The following GATA6 variants were observed in gnomAD, a reference collection of about 807,000 sequenced individuals.
GATA6 encodes the protein GATA binding protein 6.
In GATA6, 11 loss-of-function variants were observed where a neutral mutation model predicts 48.1. The ratio of observed to expected loss-of-function variants is 0.23; its 90% CI spans 0.14 to 0.38. The LOEUF (loss-of-function observed/expected upper bound fraction) is 0.38. Ranked by LOEUF, GATA6 falls within the 10% of genes least tolerant of loss-of-function variation. The pLI is 1.00. For missense variants in GATA6, 795 were observed against 850.3 expected, an observed-to-expected ratio of 0.93 and a Z score of 0.81; for synonymous variants, 419 against 396.1, an observed-to-expected ratio of 1.06 and a Z score of -0.69.
At chr18:22,183,078 T>C in intron 6 of GATA6, 35 bp downstream of exon 6, 5 of 1,476,210 alleles carry the variant, frequency 3.4e-6, no homozygotes, top group Non-Finnish European at 4.7e-6. Context: ...CCTAAATTAC[T>C]GGGCTGCTCT....
chr18:22,182,361 T>G (rs2033208745), intron 4 of GATA6, among the ~76,000 whole-genome samples: 1 of 151,658 alleles, frequency 6.6e-6, no homozygotes, highest in African/African-American at 2.4e-5. Flanking sequence ...TTTTTTTTTT[T>G]TTTTTCTTGT....
Position 22,176,969 on chromosome 18 carries a change from C to T in GATA6, c.1150C>T (p.Leu384=), listed in dbSNP as rs2033128801. ...TGTCGCCGCAGACCTGCTGGAGGAC[C>T]TGTCCGAGAGCCGCGAGTGCGTGAA... ...RGPSADLLED[L]SESRECVNCG... The change falls in exon 3 of 7, where the codon CTG becomes TTG. Residue 384 remains leucine (L), a synonymous_variant. Transcript: ENST00000269216. 1.3e-6 allele frequency: 2 copies of T among 1,560,340 alleles called. No homozygotes were observed. Among genetic ancestry groups the T allele is most frequent in the Non-Finnish European group, 1.7e-6 (2 of 1,156,004 alleles).
intron 6 of GATA6, among the ~76,000 whole-genome samples, chr18:22,189,607 T>C (rs1239085611): frequency 2.6e-5 from 4 of 152,172 alleles, no homozygotes; most frequent in Non-Finnish European, 4.4e-5. Context: ...CAGAGGAAAG[T>C]ATGAAGGCGA....
chr18:22,193,813 A>C (rs1195983166), intron 6 of GATA6, among the ~76,000 whole-genome samples: 3 of 152,174 alleles, frequency 2.0e-5, no homozygotes, highest in Non-Finnish European at 4.4e-5. Context: ...TTTCTTCCTC[A>C]AAGGAAATTT....
At chr18:22,194,173 C>A (rs2143329366) in intron 6 of GATA6, among the ~76,000 whole-genome samples, 1 of 152,350 alleles carries the variant, frequency 6.6e-6, no homozygotes, top group African/African-American at 2.4e-5. Context: ...CAAGCTCTCC[C>A]TGAAGTCATT....
chr18:22,194,710 C>T (rs115592591), intron 6 of GATA6, among the ~76,000 whole-genome samples: 1,846 of 145,120 alleles, frequency 0.013, 45 homozygotes, highest in African/African-American at 0.046. Flanking sequence ...CCCCCCTCCG[C>T]CCCCCCCTCC....
intron 6 of GATA6, among the ~76,000 whole-genome samples, chr18:22,198,873 A>T (rs927918387): frequency 1.3e-5 from 2 of 152,174 alleles, no homozygotes; most frequent in African/African-American, 4.8e-5. Context: ...ATTTTTGTGA[A>T]ATTTGCTTTT....
In GATA6 at chr18:22,170,331, T is replaced by C. The variant is rs1484267735; in HGVS notation, c.-38+649T>C. 6.6e-6 allele frequency among the ~76,000 whole-genome samples: 1 copy of C among 152,092 alleles called. No homozygotes were observed. Among genetic ancestry groups the C allele is most frequent in the Non-Finnish European group, 1.5e-5 (1 of 68,004 alleles). ...CGGCCGGCGTGAGCGCGCACGCTGG[T>C]GGCTGCAGGCGCGGGCCGTGTCTAA... On this transcript the variant is annotated intron_variant, in intron 1 of 6. Coordinates refer to ENST00000269216, the MANE Select transcript of GATA6 (RefSeq NM_005257.6). The surrounding 1 kb of genome is among the most constrained non-coding windows in gnomAD (Gnocchi z 6.7).
chr18:22,179,946 AT>A (rs2033172206), intron 3 of GATA6, among the ~76,000 whole-genome samples: 1 of 152,200 alleles, frequency 6.6e-6, no homozygotes, highest in Non-Finnish European at 1.5e-5. Context: ...CATCTTTTAA[AT>A]TTCCCAGCAA....
chr18:22,169,768 G>T (rs374012841), intron 1 of GATA6, 86 bp downstream of exon 1: 15 of 152,234 alleles, frequency 9.9e-5, no homozygotes, highest in African/African-American at 3.4e-4. Flanking sequence ...CCGGCTCTCC[G>T]GCCCTCTCCA....
In GATA6 at chr18:22,200,829, C is replaced by A. The variant is rs1198887969; in HGVS notation, c.*6C>A. The A allele has an allele frequency of 2.5e-6, 4 of 1,605,662 alleles. No individual in the cohort carries two copies. In the East Asian group the frequency reaches 9.0e-5, roughly 36 times the overall value. On this transcript the variant is annotated 3_prime_UTR_variant, in exon 7 of 7. Transcript: ENST00000269216. ...GCGCCCTGGCCCTGGCCTGAGCCCACGCCGCCAGGAGGCAGGGAGGGCTCC... is the reference window on the plus strand; with the variant it reads ...GCGCCCTGGCCCTGGCCTGAGCCCAAGCCGCCAGGAGGCAGGGAGGGCTCC...
intron 6 of GATA6, among the ~76,000 whole-genome samples, chr18:22,188,926 G>A (rs1011816733): frequency 6.6e-6 from 1 of 152,250 alleles, no homozygotes; most frequent in African/African-American, 2.4e-5. Flanking sequence ...GGTGTATTAG[G>A]GATAGGAAAT....
chr18:22,189,854 C>A (rs969563699), intron 6 of GATA6, among the ~76,000 whole-genome samples: 2 of 152,068 alleles, frequency 1.3e-5, no homozygotes, highest in African/African-American at 4.8e-5. Flanking sequence ...CTTTTATGTG[C>A]CAGGTGTTTT....
chr18:22,199,595 G>A (rs1479237886), intron 6 of GATA6, among the ~76,000 whole-genome samples: 2 of 152,138 alleles, frequency 1.3e-5, no homozygotes, highest in African/African-American at 4.8e-5. Flanking sequence ...GGGCAAAGGT[G>A]AACTTGTGCT....
At position 22,170,730 on chromosome 18, in the gene GATA6, G is replaced by T. The variant is rs903521085; in HGVS notation, c.-37-378G>T. On this transcript the variant is annotated intron_variant, in intron 1 of 6. Coordinates refer to ENST00000269216, the MANE Select transcript of GATA6 (RefSeq NM_005257.6). The surrounding 1 kb of genome is among the most constrained non-coding windows in gnomAD (Gnocchi z 6.7). ...ATTCTTTTGTGTGTCATCAGCCCGG[G>T]GGAGACACTTTAGGGCGGAAGGAAA... 6.6e-6 allele frequency among the ~76,000 whole-genome samples: 1 copy of T among 152,116 alleles called. No individual in the cohort carries two copies. Among genetic ancestry groups the T allele is most frequent in the Non-Finnish European group, 1.5e-5 (1 of 68,036 alleles).
intron 2 of GATA6, among the ~76,000 whole-genome samples, chr18:22,173,018 G>T (rs1465180484): frequency 6.6e-6 from 1 of 152,230 alleles, no homozygotes; most frequent in East Asian, 1.9e-4. Context: ...TGCAACTCAG[G>T]GATCCTGGAG....
chr18:22,199,172 T>C (rs1173424294), intron 6 of GATA6, among the ~76,000 whole-genome samples: 1 of 152,144 alleles, frequency 6.6e-6, no homozygotes, highest in East Asian at 1.9e-4. Context: ...ACGAGTAGAG[T>C]TGGACCTCAT....
In GATA6 at chr18:22,172,620, C is replaced by CT. The variant is rs2033071399; in HGVS notation, c.1135+342dup. ...GGGGAAAAACGAGGCTGGGAGGGAA[C>CT]TAACAGCGCTTGAGCCCCATCGCAG... On this transcript the variant is annotated intron_variant, in intron 2 of 6. Coordinates refer to ENST00000269216, the MANE Select transcript of GATA6 (RefSeq NM_005257.6). This position sits in a 1 kb window ranked among gnomAD's most constrained non-coding sequence, Gnocchi z 5.2. Among the ~76,000 whole-genome samples the CT allele has an allele frequency of 6.6e-6, 1 of 152,190 alleles. No homozygotes were observed. The highest frequency in any genetic ancestry group is 2.1e-4 in the South Asian group (1 of 4,830).
intron 3 of GATA6, among the ~76,000 whole-genome samples, chr18:22,177,957 T>TG (rs1207428171): frequency 9.8e-5 from 13 of 132,050 alleles, no homozygotes; most frequent in African/African-American, 1.5e-4. Context: ...TTTTTGTTTT[T>TG]TTTTTTTTTT....
Sources: allele counts gnomAD v4.1 joint callset (sites outside exome capture counted in the v4.1 genomes callset), GRCh38; gene constraint gnomAD v4.1.1; non-coding constraint Gnocchi (gnomAD v3.1); transcripts MANE v1.5; gene names NCBI Gene and HGNC (gene_info 2026-07-23, HGNC 2026-07-21).